The following SPIDR variants were observed in gnomAD, a reference collection of about 807,000 sequenced individuals.
SPIDR encodes the protein scaffold protein involved in DNA repair.
In SPIDR, 93 loss-of-function variants were observed where a neutral mutation model predicts 104.6. That is an observed-to-expected ratio of 0.89 (90% CI 0.75 to 1.06). The LOEUF is 1.06. SPIDR is among the 50% of genes least tolerant of loss of function. The pLI is 0.00. For synonymous variants in SPIDR, 431 were observed against 416.9 expected (o/e 1.03, Z -0.41); for missense variants, 1,154 against 1,111.2 (o/e 1.04, Z -0.55).
At chr8:47,570,108 C>A (rs2058340235) in intron 8 of SPIDR, among the ~76,000 whole-genome samples, 1 of 152,054 alleles carries the variant, frequency 6.6e-6, no homozygotes, top group South Asian at 2.1e-4. Context: ...ACCCAAGAGA[C>A]CCAGAATAGC....
At chr8:47,464,657 AGTCCT>A (rs1165191166) in intron 8 of SPIDR, among the ~76,000 whole-genome samples, 4 of 151,544 alleles carry the variant, frequency 2.6e-5, no homozygotes, top group Non-Finnish European at 4.4e-5. Context: ...TGTCTTGTCT[AGTCCT>A]GTCCTGTCCT....
intron 8 of SPIDR, among the ~76,000 whole-genome samples, chr8:47,448,669 T>C (rs1460692743): frequency 6.6e-6 from 1 of 151,914 alleles, no homozygotes; most frequent in Non-Finnish European, 1.5e-5. Flanking sequence ...TGTGTACCTG[T>C]GTTTATGTGT....
At chr8:47,477,737 T>C (rs1406784781) in intron 8 of SPIDR, among the ~76,000 whole-genome samples, 2 of 152,186 alleles carry the variant, frequency 1.3e-5, no homozygotes, top group Non-Finnish European at 2.9e-5. Context: ...CATCCTTTGT[T>C]TCATTCAGTG....
At chr8:47,394,447 G>A (rs925362560) in intron 5 of SPIDR, among the ~76,000 whole-genome samples, 3 of 152,308 alleles carry the variant, frequency 2.0e-5, no homozygotes, top group South Asian at 2.1e-4. Context: ...CTAGGATAGT[G>A]GTTCTCAACT....
chr8:47,608,756 G>A (rs955190566), intron 10 of SPIDR, among the ~76,000 whole-genome samples: 2 of 152,140 alleles, frequency 1.3e-5, no homozygotes, highest in South Asian at 2.1e-4. Context: ...ATGGAGTCTC[G>A]CTCTGTCGCC....
chr8:47,442,016 A>G (rs62539100), intron 8 of SPIDR, among the ~76,000 whole-genome samples: 3,345 of 152,264 alleles, frequency 0.022, 52 homozygotes, highest in Middle Eastern at 0.065. Flanking sequence ...CTAGTATTAT[A>G]CTATTTCAGT....
At chr8:47,414,948 G>C (rs372965037) in intron 7 of SPIDR, among the ~76,000 whole-genome samples, 3 of 152,036 alleles carry the variant, frequency 2.0e-5, no homozygotes, top group East Asian at 1.9e-4. Context: ...CTGTTGCCCA[G>C]GCTGGAGTGC....
intron 5 of SPIDR, among the ~76,000 whole-genome samples, chr8:47,306,973 G>A (rs868917975): frequency 1.3e-5 from 2 of 152,114 alleles, no homozygotes; most frequent in South Asian, 2.1e-4. Context: ...AACTGTGTCT[G>A]TCAGTCTAAA....
At chr8:47,302,736 A>G (rs2042347894) in intron 5 of SPIDR, among the ~76,000 whole-genome samples, 1 of 152,220 alleles carries the variant, frequency 6.6e-6, no homozygotes, top group African/African-American at 2.4e-5. Context: ...CCTGGGTATC[A>G]GCAGCGGAGG....
At chr8:47,606,752 T>G (rs1275028410) in intron 10 of SPIDR, among the ~76,000 whole-genome samples, 1 of 152,250 alleles carries the variant, frequency 6.6e-6, no homozygotes, top group Non-Finnish European at 1.5e-5. Context: ...ATTCCCCAGC[T>G]GTGTGCTCAC....
chr8:47,415,566 G>C (rs534661426), intron 7 of SPIDR, among the ~76,000 whole-genome samples: 57 of 152,244 alleles, frequency 3.7e-4, no homozygotes, highest in Non-Finnish European at 7.5e-4. Flanking sequence ...AGGTCATGAG[G>C]TGGAGCCCTC....
chr8:47,661,443 A>G (rs1449789054), intron 10 of SPIDR, among the ~76,000 whole-genome samples: 1 of 152,268 alleles, frequency 6.6e-6, no homozygotes, highest in East Asian at 1.9e-4. Flanking sequence ...TACTGGATGC[A>G]TACCTTTGCC....
intron 10 of SPIDR, among the ~76,000 whole-genome samples, chr8:47,646,159 A>G (rs1588764224): frequency 1.3e-5 from 2 of 152,364 alleles, no homozygotes; most frequent in African/African-American, 4.8e-5. Flanking sequence ...CACAGTTCAT[A>G]AAAGGAAAAG....
chr8:47,603,691 C>A (rs2062590036), intron 10 of SPIDR, among the ~76,000 whole-genome samples: 1 of 152,068 alleles, frequency 6.6e-6, no homozygotes, highest in Non-Finnish European at 1.5e-5. Context: ...AGCCACCATA[C>A]CCGGCCAACT....
At chr8:47,626,626 C>T (rs533028663) in intron 10 of SPIDR, among the ~76,000 whole-genome samples, 1 of 152,294 alleles carries the variant, frequency 6.6e-6, no homozygotes, top group Non-Finnish European at 1.5e-5. Flanking sequence ...AGCCAGAAAA[C>T]ACATGAAAAA....
intron 5 of SPIDR, among the ~76,000 whole-genome samples, chr8:47,300,388 T>G (rs1276235407): frequency 1.3e-5 from 2 of 152,180 alleles, no homozygotes; most frequent in Non-Finnish European, 2.9e-5. Context: ...TTTGTTGATC[T>G]TTTCAAAAAG....
intron 7 of SPIDR, among the ~76,000 whole-genome samples, chr8:47,408,399 A>G (rs1438493998): frequency 1.3e-5 from 2 of 152,210 alleles, no homozygotes; most frequent in Non-Finnish European, 2.9e-5. Context: ...GGCTAAGACC[A>G]CAGGCTTTTT....
Position 47,376,892 on chromosome 8 carries a change from ATCTGGCCT to A in SPIDR, c.526-19483_526-19476del, listed in dbSNP as rs564718856. ...TGGCAAACTATAGCTTACAGGCCAA[ATCTGGCCT>A]ATCACCTGTCTCCATAAATAAAGTT... On this transcript the variant is annotated intron_variant, in intron 5 of 19. Transcript: ENST00000297423. 2.4e-4 allele frequency among the ~76,000 whole-genome samples: 37 copies of A among 152,292 alleles called. No individual in the cohort carries two copies. The South Asian group carries it at 7.0e-3, about 29-fold the overall frequency.
At chr8:47,271,864 T>C (rs1276784893) in intron 1 of SPIDR, among the ~76,000 whole-genome samples, 4 of 152,182 alleles carry the variant, frequency 2.6e-5, no homozygotes, top group African/African-American at 7.2e-5. Flanking sequence ...CTCAGCTCAC[T>C]GCAGCCTCCA....
Sources: gnomAD v4.1 joint callset for allele counts (sites outside exome capture counted in the v4.1 genomes callset) on GRCh38, gnomAD v4.1.1 for gene constraint, MANE v1.5 for transcripts, NCBI Gene and HGNC (gene_info 2026-07-23, HGNC 2026-07-21) for gene names.